Variants in KNL1 observed in about 807,000 individuals in gnomAD.
KNL1 encodes outer kinetochore KNL1 complex subunit KNL1.
In KNL1, 66 loss-of-function variants were observed where a neutral mutation model predicts 201.3. The observed-to-expected ratio is 0.33, with a 90% CI of 0.27 to 0.40. The LOEUF is 0.40. Among genes scored for constraint, KNL1 ranks in the 10% least tolerant of loss-of-function variants. KNL1 has a pLI of 1.00. For missense variants in KNL1, 2,815 were observed against 2,690.5 expected, an observed-to-expected ratio of 1.05 and a Z score of -1.02; for synonymous variants, 895 against 899.2, an observed-to-expected ratio of 1.00 and a Z score of 0.08.
rs535289944 is a variant in KNL1, at chr15:40,659,948, G to A, written c.6836+487G>A. On this transcript the variant is annotated intron_variant, in intron 25 of 25. Transcript: ENST00000399668. ...TGTGTTTGAGATGGAGTCTCACTCT[G>A]TCACCAGGCTGGAGTGCAGTGGCAC... 2.9e-4 allele frequency among the ~76,000 whole-genome samples: 40 copies of A among 138,340 alleles called. 2 individuals carry two copies. The South Asian group carries it at 7.8e-3, about 27-fold the overall frequency. 90.8% of individuals were successfully genotyped at this position (138,340 alleles called of 152,430 possible).
chr15:40,619,145 A>AGGAAG, intron 9 of KNL1, 134 bp downstream of exon 9: 3 of 666,304 alleles, frequency 4.5e-6, no homozygotes, highest in Non-Finnish European at 8.1e-6. Flanking sequence ...AAGGCTTCCT[A>AGGAAG]CCTTTCCAGT....
intron 13 of KNL1, among the ~76,000 whole-genome samples, chr15:40,636,476 T>C (rs1893059187): frequency 6.6e-6 from 1 of 152,138 alleles, no homozygotes. Context: ...TTCAAACATA[T>C]CAGAAAATAG....
chr15:40,603,991 G>A (rs1053383930), intron 2 of KNL1, among the ~76,000 whole-genome samples: 3 of 152,198 alleles, frequency 2.0e-5, no homozygotes, highest in African/African-American at 7.2e-5. Flanking sequence ...GCACCCTGGT[G>A]GGAGTGTCTT....
At chr15:40,659,638 G>T (rs367909875) in intron 25 of KNL1, among the ~76,000 whole-genome samples, 177 bp downstream of exon 25, 32 of 150,594 alleles carry the variant, frequency 2.1e-4, no homozygotes, top group South Asian at 2.1e-3. Context: ...GACTACAGGC[G>T]CCTGCCACCG....
Position 40,662,454 on chromosome 15 carries a change from C to T in KNL1, c.*266C>T. On this transcript the variant is annotated 3_prime_UTR_variant, in exon 26 of 26. Transcript: ENST00000399668. The stretch of plus-strand genomic sequence containing the variant: ...GACACTTAGGAAAAATGTCTCCTAA[C>T]TAAACTAGTGCTTTCTGCTTTAGTA... 3.0e-6 allele frequency: 1 copy of T among 328,710 alleles called. No homozygotes were observed. The highest frequency in any genetic ancestry group is 5.6e-6 in the Non-Finnish European group (1 of 178,900). 20.4% of individuals were successfully genotyped at this position (328,710 alleles called of 1,614,324 possible).
At chr15:40,616,344 C>T (rs931858127) in intron 8 of KNL1, among the ~76,000 whole-genome samples, 1 of 150,604 alleles carries the variant, frequency 6.6e-6, no homozygotes, top group East Asian at 2.0e-4. Context: ...CCAGGCTGCT[C>T]TCAAACTCCT....
In KNL1 at chr15:40,662,210, C is replaced by T. The variant is rs1893930987; in HGVS notation, c.*22C>T. On this transcript the variant is annotated 3_prime_UTR_variant, in exon 26 of 26. Transcript: ENST00000399668. ...CTAGACCCTTGGACCACCATTGGAA[C>T]AACCAAGCAGAATGTACTTGATATT... The T allele has an allele frequency of 1.5e-6, 2 of 1,299,786 alleles. No homozygotes were observed. 80.5% of individuals were successfully genotyped at this position (1,299,786 alleles called of 1,614,324 possible).
rs777856336 is a variant in KNL1 at position 40,623,795 on chromosome 15, A to G, written c.3531A>G (p.Gln1177=). ...CCCATACTGTTTTCATTGACTGTCA[A>G]GCCACAGAGAAAATACTTGAAGAAA... The part of the protein sequence containing the change: ...TDSHTVFIDC[Q]ATEKILEENP... The change falls in exon 10 of 26, where the codon CAA becomes CAG. Residue 1177 remains glutamine, a synonymous_variant. Transcript: ENST00000399668. 1.2e-6 allele frequency: 2 copies of G among 1,613,870 alleles called. No individual in the cohort carries two copies. The highest frequency in any genetic ancestry group is 8.5e-7 in the Non-Finnish European group (1 of 1,179,886).
At chr15:40,602,873 T>A in intron 1 of KNL1, 42 bp from the exon 2 acceptor site, 1 of 1,111,880 alleles carries the variant, frequency 9.0e-7, no homozygotes, top group South Asian at 1.3e-5. Flanking sequence ...TAGTTGCTCT[T>A]CCTTTTTCCT....
intron 11 of KNL1, 97 bp downstream of exon 11, chr15:40,628,305 G>A (rs1000484793): frequency 3.9e-6 from 5 of 1,266,444 alleles, no homozygotes; most frequent in South Asian, 1.7e-5. Flanking sequence ...TGTTGTATAT[G>A]CCTTTTTGGG....
intron 7 of KNL1, among the ~76,000 whole-genome samples, chr15:40,612,853 A>G (rs1892216217): frequency 6.6e-6 from 1 of 152,116 alleles, no homozygotes. Context: ...AGTTAAGGAA[A>G]TAGGTAAAAA....
chr15:40,602,534 T>A (rs1187044388), intron 1 of KNL1, among the ~76,000 whole-genome samples: 2 of 137,132 alleles, frequency 1.5e-5, no homozygotes, highest in Non-Finnish European at 1.5e-5. Flanking sequence ...TCGCCCAGGC[T>A]GGAGTGCAAT....
chr15:40,635,883 T>C (rs1167433137), intron 13 of KNL1, among the ~76,000 whole-genome samples: 1 of 152,194 alleles, frequency 6.6e-6, no homozygotes, highest in Non-Finnish European at 1.5e-5. Flanking sequence ...TTGTATTTTT[T>C]TGAGACGGAG....
intron 24 of KNL1, 59 bp downstream of exon 24, chr15:40,657,532 A>C: frequency 1.1e-6 from 1 of 896,134 alleles, no homozygotes; most frequent in African/African-American, 1.6e-5. Flanking sequence ...GGGTACCTTA[A>C]CAGGTTCTGG....
In KNL1 at chr15:40,661,127, A is replaced by T. The variant is rs146130334; in HGVS notation, c.6837-947A>T. On this transcript the variant is annotated intron_variant, in intron 25 of 25. Coordinates refer to ENST00000399668, the MANE Select transcript of KNL1 (RefSeq NM_144508.5). Reference sequence around the variant, plus strand: ...GGTGGCTCATGCCTGTAATCCCAGCACTTTGGGAGGCCAAGGTGGGCAGAT... The same window carrying T: ...GGTGGCTCATGCCTGTAATCCCAGCTCTTTGGGAGGCCAAGGTGGGCAGAT... 3.2e-4 allele frequency among the ~76,000 whole-genome samples: 48 copies of T among 151,990 alleles called. No individual in the cohort carries two copies. In the East Asian group the frequency reaches 6.8e-3, roughly 22 times the overall value.
intron 9 of KNL1, among the ~76,000 whole-genome samples, chr15:40,620,404 G>T (rs1200807989): frequency 6.6e-6 from 1 of 151,872 alleles, no homozygotes; most frequent in African/African-American, 2.4e-5. Flanking sequence ...GTAGAGACGG[G>T]GTTTCACCAT....
chr15:40,606,524 C>G, intron 4 of KNL1, 72 bp downstream of exon 4: 2 of 855,138 alleles, frequency 2.3e-6, no homozygotes, highest in South Asian at 3.0e-5. Context: ...AGTTTATTAG[C>G]TATTTGAAGA....
intron 1 of KNL1, among the ~76,000 whole-genome samples, chr15:40,596,556 G>A (rs1279776316): frequency 3.9e-5 from 6 of 152,048 alleles, no homozygotes; most frequent in East Asian, 3.9e-4. Context: ...GATTACAGGT[G>A]TGAGCCACTG....
At position 40,662,985 on chromosome 15, in the gene KNL1, T is replaced by C. The variant is rs1438603478; in HGVS notation, c.*797T>C. ...AAAAAAACAAAAAGAGAGAAAGCAA[T>C]AGCACTCAGCTATTGAAATGGTTGC... On this transcript the variant is annotated 3_prime_UTR_variant, in exon 26 of 26. Transcript: ENST00000399668. 9 of 180,238 alleles carry C rather than the reference T, an allele frequency of 5.0e-5. No individual in the cohort carries two copies. In the East Asian group the frequency reaches 6.4e-4, roughly 13 times the overall value. The allele number at this position is 180,238 out of a possible 1,614,324, so 11.2% of individuals were successfully genotyped here. A position where few individuals can be genotyped will look rare whatever the true frequency, so the allele number is the denominator to read the frequency against.
Sources: allele counts gnomAD v4.1 joint callset (sites outside exome capture counted in the v4.1 genomes callset), GRCh38; gene constraint gnomAD v4.1.1; transcripts MANE v1.5; gene names NCBI Gene and HGNC (gene_info 2026-07-23, HGNC 2026-07-21).